Variants in CSMD1 observed in about 807,000 individuals in gnomAD.
CSMD1 encodes CUB and Sushi multiple domains 1.
Under a neutral mutation model 417.5 loss-of-function variants are expected in CSMD1, and 213 were observed. The ratio of observed to expected loss-of-function variants is 0.51; its 90% confidence interval spans 0.46 to 0.57. The LOEUF (loss-of-function observed/expected upper bound fraction) is 0.57. CSMD1 is among the 20% of genes least tolerant of loss of function. The probability of loss-of-function intolerance (pLI) is 0.00; values close to 1 mark genes in which losing one functional copy is unlikely to be tolerated. For missense variants in CSMD1, 6,923 were observed against 4,529.7 expected, an observed-to-expected ratio of 1.53 and a Z score of -15.17; for synonymous variants, 2,862 against 1,736.8, an observed-to-expected ratio of 1.65 and a Z score of -16.11.
rs951482715 is a variant in CSMD1 at position 4,521,855 on chromosome 8, G to T, written c.303-101790C>A. 2.6e-5 allele frequency among the ~76,000 whole-genome samples: 4 copies of T among 152,180 alleles called. No individual in the cohort carries two copies. The East Asian group carries it at 7.7e-4, about 29-fold the overall frequency. On this transcript the variant is annotated intron_variant, in intron 2 of 69. Coordinates refer to ENST00000635120, the MANE Select transcript of CSMD1 (RefSeq NM_033225.6). ...CAAGCTCCATGTAGGAGAAAACTCA[G>T]CGCTTTAGCTCCTGGGAAAACTGTC...
chr8:3,491,659 G>A (rs917155797), intron 11 of CSMD1, among the ~76,000 whole-genome samples: 3 of 152,180 alleles, frequency 2.0e-5, no homozygotes, highest in African/African-American at 7.2e-5. Context: ...CGATTTTTAA[G>A]GGAATATACA....
At chr8:3,934,224 T>C (rs895934669) in intron 5 of CSMD1, among the ~76,000 whole-genome samples, 5 of 152,146 alleles carry the variant, frequency 3.3e-5, no homozygotes, top group Non-Finnish European at 5.9e-5. Flanking sequence ...ACCTAATCAA[T>C]GATGAAAACT....
rs142206989 is a variant in CSMD1 at position 4,033,623 on chromosome 8, G to C, written c.416-1524C>G. ...TGTGGCTCAATCCTCTTGGGCACTTGTTCTCAGGACCTCCTGAGGGCTGCG... is the reference window on the plus strand; with the variant it reads ...TGTGGCTCAATCCTCTTGGGCACTTCTTCTCAGGACCTCCTGAGGGCTGCG... On this transcript the variant is annotated intron_variant, in intron 3 of 69. Coordinates refer to ENST00000635120, the MANE Select transcript of CSMD1 (RefSeq NM_033225.6). 7.4e-4 allele frequency among the ~76,000 whole-genome samples: 112 copies of C among 152,248 alleles called. 1 individual carries two copies. The highest frequency in any genetic ancestry group is 1.4e-3 in the Non-Finnish European group (93 of 68,020).
intron 7 of CSMD1, among the ~76,000 whole-genome samples, chr8:3,689,162 G>C (rs549250349): frequency 1.3e-5 from 2 of 152,184 alleles, no homozygotes; most frequent in Admixed American, 6.5e-5. Flanking sequence ...CGCGCTCTAA[G>C]GTTGGGAACA....
intron 5 of CSMD1, among the ~76,000 whole-genome samples, chr8:3,900,643 T>G (rs1172264023): frequency 6.6e-6 from 1 of 152,010 alleles, no homozygotes; most frequent in Non-Finnish European, 1.5e-5. Flanking sequence ...TGCAGCTAGA[T>G]GACACTGTAG....
intron 10 of CSMD1, among the ~76,000 whole-genome samples, chr8:3,554,928 G>C (rs186896447): frequency 6.6e-6 from 1 of 152,196 alleles, no homozygotes; most frequent in East Asian, 2.0e-4. Context: ...CAGCCACACA[G>C]GGCAAGTGGG....
intron 3 of CSMD1, among the ~76,000 whole-genome samples, chr8:4,195,415 G>A (rs1255644887): frequency 6.6e-6 from 1 of 152,138 alleles, no homozygotes; most frequent in Non-Finnish European, 1.5e-5. Context: ...ACCCACCGAT[G>A]CAAGACTGTG....
At chr8:4,621,702 T>C (rs1453622225) in intron 2 of CSMD1, among the ~76,000 whole-genome samples, 1 of 151,986 alleles carries the variant, frequency 6.6e-6, no homozygotes, top group Non-Finnish European at 1.5e-5. Context: ...TCCTGTACAG[T>C]GAAATCTTAA....
At chr8:4,795,221 G>A (rs373721631) in intron 1 of CSMD1, among the ~76,000 whole-genome samples, 1 of 133,766 alleles carries the variant, frequency 7.5e-6, no homozygotes, top group South Asian at 2.6e-4. Flanking sequence ...GGTGCAATCA[G>A]AACACATTTC....
At chr8:4,471,106 A>C (rs1328804600) in intron 2 of CSMD1, among the ~76,000 whole-genome samples, 1 of 152,182 alleles carries the variant, frequency 6.6e-6, no homozygotes, top group Non-Finnish European at 1.5e-5. Flanking sequence ...TATTTGTGTG[A>C]AATGTTTAAT....
intron 25 of CSMD1, among the ~76,000 whole-genome samples, chr8:3,285,821 G>A (rs990320562): frequency 8.7e-5 from 13 of 148,882 alleles, no homozygotes; most frequent in African/African-American, 2.0e-4. Context: ...CCCCATTTGT[G>A]TATATATATA....
At chr8:3,083,011 G>A (rs1474780234) in intron 49 of CSMD1, among the ~76,000 whole-genome samples, 1 of 152,116 alleles carries the variant, frequency 6.6e-6, no homozygotes, top group Non-Finnish European at 1.5e-5. Context: ...TGGGGTTTTT[G>A]AAAATTGTTT....
chr8:3,865,035 A>G (rs1343640592), intron 5 of CSMD1, among the ~76,000 whole-genome samples: 1 of 152,176 alleles, frequency 6.6e-6, no homozygotes, highest in Non-Finnish European at 1.5e-5. Context: ...TTTGTCAAGT[A>G]AGACATGCTT....
At chr8:4,005,339 G>C (rs997395806) in intron 4 of CSMD1, among the ~76,000 whole-genome samples, 1 of 152,120 alleles carries the variant, frequency 6.6e-6, no homozygotes, top group African/African-American at 2.4e-5. Context: ...CATTGTACTT[G>C]CAGAAAACGT....
intron 3 of CSMD1, among the ~76,000 whole-genome samples, chr8:4,113,157 C>T (rs1801947575): frequency 1.3e-5 from 2 of 152,084 alleles, no homozygotes; most frequent in African/African-American, 2.4e-5. Context: ...ACTCTCCCTC[C>T]TCGGGCCTTC....
Position 4,559,719 on chromosome 8 carries a change from C to T in CSMD1, c.302+77623G>A, listed in dbSNP as rs560952166. Among the ~76,000 whole-genome samples the T allele has an allele frequency of 9.3e-4, 142 of 152,364 alleles. 1 individual carries two copies. The highest frequency in any genetic ancestry group is 3.2e-3 in the African/African-American group (133 of 41,586). The stretch of plus-strand genomic sequence containing the variant: ...AAACAGCAAAGATGCTGCGTAGCAG[C>T]TCCATCAGTCTTTCTGTTATTTCAC... On this transcript the variant is annotated intron_variant, in intron 2 of 69. Transcript: ENST00000635120.
chr8:4,784,223 C>A (rs566840384), intron 1 of CSMD1, among the ~76,000 whole-genome samples: 7 of 152,134 alleles, frequency 4.6e-5, no homozygotes, highest in African/African-American at 1.7e-4. Flanking sequence ...TTGAACATTG[C>A]GGCCTATTGT....
At chr8:4,553,201 G>A (rs76167864) in intron 2 of CSMD1, among the ~76,000 whole-genome samples, 1 of 152,122 alleles carries the variant, frequency 6.6e-6, no homozygotes, top group African/African-American at 2.4e-5. Context: ...TTTCACATGT[G>A]TGTCTGTGGA....
intron 5 of CSMD1, among the ~76,000 whole-genome samples, chr8:3,876,744 G>A (rs1038118941): frequency 5.9e-5 from 9 of 152,102 alleles, no homozygotes; most frequent in East Asian, 5.8e-4. Flanking sequence ...TGAGTACCTG[G>A]AAGCACAGGC....
Sources: gnomAD v4.1 joint callset for allele counts (sites outside exome capture counted in the v4.1 genomes callset) on GRCh38, gnomAD v4.1.1 for gene constraint, MANE v1.5 for transcripts, NCBI Gene and HGNC (gene_info 2026-07-23, HGNC 2026-07-21) for gene names.